Variants in PTPRJ observed in about 807,000 individuals in gnomAD.
PTPRJ encodes protein tyrosine phosphatase receptor type J, also known as receptor-type tyrosine-protein phosphatase eta.
A neutral mutation model predicts 141.3 loss-of-function variants in PTPRJ; 129 were observed. The observed-to-expected ratio is 0.91, with a 90% confidence interval of 0.79 to 1.06. PTPRJ has a LOEUF of 1.06. Among genes scored for constraint, PTPRJ ranks in the 50% least tolerant of loss-of-function variants. The probability of loss-of-function intolerance (pLI) is 0.00; values close to 1 mark genes in which losing one functional copy is unlikely to be tolerated. For missense variants in PTPRJ, 1,601 were observed against 1,679.7 expected (o/e 0.95, Z 0.82); for synonymous variants, 610 against 640.5 (o/e 0.95, Z 0.72).
At position 48,130,528 on chromosome 11, in the gene PTPRJ, GC is replaced by G; in HGVS notation, c.1429del (p.His477MetfsTer20). 6.2e-7 allele frequency: 1 copy of G among 1,614,086 alleles called. No individual in the cohort carries two copies. Among genetic ancestry groups the G allele is most frequent in the Non-Finnish European group, 8.5e-7 (1 of 1,179,978 alleles). On this transcript the variant is annotated frameshift_variant, in exon 8 of 25. Coordinates refer to ENST00000418331, the MANE Select transcript of PTPRJ (RefSeq NM_002843.4). LOFTEE classifies it high-confidence loss of function. ...ACGGAGATCGGCTTAGCATGGAGCA[GC>G]CATGATGCAGAATCATTTCAGATGC... ...STTEIGLAWS[S>X]HDAESFQMHI... is the part of the protein sequence containing the mutation.
At chr11:48,114,634 G>A (rs61915882) in intron 3 of PTPRJ, among the ~76,000 whole-genome samples, 6,158 of 151,986 alleles carry the variant, frequency 0.041, 148 homozygotes, top group Non-Finnish European at 0.047. Flanking sequence ...CAAATATACA[G>A]ACATCAACAC....
intron 1 of PTPRJ, among the ~76,000 whole-genome samples, chr11:47,981,335 C>A (rs938141792): frequency 2.0e-5 from 3 of 152,128 alleles, no homozygotes; most frequent in African/African-American, 7.2e-5. Context: ...GGGCACGGGC[C>A]CGGCTTCCTA....
At chr11:48,082,280 G>A (rs1469341611) in intron 1 of PTPRJ, among the ~76,000 whole-genome samples, 1 of 152,138 alleles carries the variant, frequency 6.6e-6, no homozygotes, top group Non-Finnish European at 1.5e-5. Flanking sequence ...TTGTTGTCCA[G>A]GCTGGAGGCT....
chr11:48,121,202 C>T lies in PTPRJ; in HGVS notation c.552C>T (p.Phe184=). 1 of 1,614,116 alleles carries T rather than the reference C, an allele frequency of 6.2e-7. No individual in the cohort carries two copies. The highest frequency in any genetic ancestry group is 1.1e-5 in the South Asian group (1 of 91,086). ...TGLRPATSYV[F]SITPGIGNET... is the part of the protein sequence containing the mutation. ...TACGTCCAGCGACTTCATATGTATTCTCCATCACTCCAGGAATAGGCAATG... is the reference window on the plus strand; with the variant it reads ...TACGTCCAGCGACTTCATATGTATTTTCCATCACTCCAGGAATAGGCAATG... Residue 184 remains phenylalanine (F), a synonymous_variant, in exon 4 of 25, where the codon TTC becomes TTT. Coordinates refer to ENST00000418331, the MANE Select transcript of PTPRJ (RefSeq NM_002843.4).
chr11:48,110,107 T>G (rs766259614), intron 2 of PTPRJ, 31 bp downstream of exon 2: 1 of 1,607,678 alleles, frequency 6.2e-7, no homozygotes, highest in South Asian at 1.1e-5. Flanking sequence ...TATTCTTGTG[T>G]TGTTCGCTAC....
chr11:48,141,816 G>A (rs956081556), intron 11 of PTPRJ, among the ~76,000 whole-genome samples: 12 of 152,024 alleles, frequency 7.9e-5, no homozygotes, highest in African/African-American at 2.7e-4. Flanking sequence ...TTCTTTTACT[G>A]TGCAAAACCT....
chr11:48,037,706 A>G (rs1854163008), intron 1 of PTPRJ, among the ~76,000 whole-genome samples: 1 of 152,250 alleles, frequency 6.6e-6, no homozygotes, highest in African/African-American at 2.4e-5. Flanking sequence ...CCAGCTACTC[A>G]GGAGGCTGAG....
chr11:48,096,265 C>T (rs1503189), intron 1 of PTPRJ, among the ~76,000 whole-genome samples: 2,353 of 152,272 alleles, frequency 0.015, 74 homozygotes, highest in African/African-American at 0.054. Flanking sequence ...AACGATCTGC[C>T]AGGCGCTGGG....
chr11:48,061,708 T>C (rs1018449152), intron 1 of PTPRJ, among the ~76,000 whole-genome samples: 12 of 152,152 alleles, frequency 7.9e-5, no homozygotes, highest in African/African-American at 2.9e-4. Flanking sequence ...CTTGAGAGGC[T>C]GCAAGTGTCC....
At chr11:48,073,984 A>C (rs1855333486) in intron 1 of PTPRJ, among the ~76,000 whole-genome samples, 1 of 152,188 alleles carries the variant, frequency 6.6e-6, no homozygotes, top group African/African-American at 2.4e-5. Context: ...GCCATGTAGC[A>C]TATTTCTATT....
intron 1 of PTPRJ, among the ~76,000 whole-genome samples, chr11:48,104,947 C>T (rs763824199): frequency 2.0e-5 from 3 of 152,072 alleles, no homozygotes; most frequent in Non-Finnish European, 2.9e-5. Context: ...TTCCAAGGCT[C>T]GGTGTCTACA....
chr11:48,020,549 C>T (rs868089217), intron 1 of PTPRJ, among the ~76,000 whole-genome samples: 8 of 152,126 alleles, frequency 5.3e-5, no homozygotes, highest in East Asian at 3.8e-4. Context: ...TTGGAGATCT[C>T]GTAAATGAAC....
chr11:48,066,518 C>G (rs111465029), intron 1 of PTPRJ, among the ~76,000 whole-genome samples: 1 of 151,452 alleles, frequency 6.6e-6, no homozygotes, highest in Non-Finnish European at 1.5e-5. Context: ...TCCTGGGAAA[C>G]TAGTCAGGGG....
intron 5 of PTPRJ, 59 bp downstream of exon 5, chr11:48,123,929 T>A (rs1856773165): frequency 6.6e-7 from 1 of 1,513,744 alleles, no homozygotes. Context: ...AGTAACTAAA[T>A]GTTCTAAAAA....
intron 1 of PTPRJ, among the ~76,000 whole-genome samples, chr11:48,083,661 G>A (rs778656656): frequency 6.6e-6 from 1 of 152,182 alleles, no homozygotes; most frequent in Non-Finnish European, 1.5e-5. Context: ...GAGAATGTGA[G>A]CTGCATGAGG....
At chr11:47,989,351 CCA>C in intron 1 of PTPRJ, among the ~76,000 whole-genome samples, 1 of 151,422 alleles carries the variant, frequency 6.6e-6, no homozygotes, top group East Asian at 1.9e-4. Flanking sequence ...ACTGCAACCT[CCA>C]CCTCCCAGGT....
chr11:48,024,912 C>T (rs149472503), intron 1 of PTPRJ, among the ~76,000 whole-genome samples: 54 of 152,276 alleles, frequency 3.5e-4, no homozygotes, highest in Non-Finnish European at 6.0e-4. Flanking sequence ...CAGGAACAGT[C>T]GCGTTTACAG....
intron 1 of PTPRJ, among the ~76,000 whole-genome samples, chr11:47,991,050 T>C (rs1328356362): frequency 6.6e-6 from 1 of 152,016 alleles, no homozygotes; most frequent in East Asian, 1.9e-4. Context: ...GGTTTGAGAT[T>C]AAATCCACAA....
chr11:48,045,151 G>T (rs1392252937), intron 1 of PTPRJ, among the ~76,000 whole-genome samples: 1 of 152,142 alleles, frequency 6.6e-6, no homozygotes, highest in Non-Finnish European at 1.5e-5. Flanking sequence ...TTTGAGGCCT[G>T]GATTTTGAAC....
Sources: allele counts gnomAD v4.1 joint callset (sites outside exome capture counted in the v4.1 genomes callset), GRCh38; gene constraint gnomAD v4.1.1; transcripts MANE v1.5; gene names NCBI Gene and HGNC (gene_info 2026-07-23, HGNC 2026-07-21).